STAU2: variants seen among roughly 807,000 people sequenced by gnomAD.
STAU2 encodes staufen double-stranded RNA binding protein 2.
Under a neutral mutation model 65.9 loss-of-function variants are expected in STAU2, and 20 were observed. The observed-to-expected ratio is 0.30, with a 90% CI of 0.21 to 0.44. STAU2 has a LOEUF of 0.44. Ranked by LOEUF, STAU2 falls within the 20% of genes least tolerant of loss-of-function variation. STAU2 has a pLI of 1.00. For missense variants in STAU2, 558 were observed against 683.9 expected (o/e 0.82, Z 2.05); for synonymous variants, 232 against 233.9 (o/e 0.99, Z 0.07).
intron 12 of STAU2, among the ~76,000 whole-genome samples, chr8:73,566,959 T>C (rs1312055907): frequency 6.6e-6 from 1 of 152,142 alleles, no homozygotes. Context: ...CTACTAAGAG[T>C]AACTGTATTA....
intron 6 of STAU2, among the ~76,000 whole-genome samples, chr8:73,622,401 G>A (rs1358275068): frequency 2.0e-5 from 3 of 152,006 alleles, no homozygotes; most frequent in African/African-American, 2.4e-5. Flanking sequence ...CTGAGATTAC[G>A]GGCGTGAGCC....
At chr8:73,506,599 T>C (rs141425374) in intron 13 of STAU2, among the ~76,000 whole-genome samples, 1 of 152,290 alleles carries the variant, frequency 6.6e-6, no homozygotes, top group Non-Finnish European at 1.5e-5. Flanking sequence ...GGGTCTTGCA[T>C]CAGTGTGGAT....
chr8:73,461,413 G>A (rs904833296), intron 13 of STAU2, among the ~76,000 whole-genome samples: 1 of 152,100 alleles, frequency 6.6e-6, no homozygotes, highest in Non-Finnish European at 1.5e-5. Context: ...ATGGGGCTCA[G>A]AGGAGTAATA....
intron 6 of STAU2, among the ~76,000 whole-genome samples, chr8:73,635,171 C>A (rs1801267281): frequency 1.3e-5 from 2 of 152,180 alleles, no homozygotes; most frequent in Admixed American, 6.5e-5. Context: ...CTAAACCGTT[C>A]TTAAATAAAT....
chr8:73,516,731 C>T (rs935943974), intron 13 of STAU2, among the ~76,000 whole-genome samples: 20 of 152,042 alleles, frequency 1.3e-4, no homozygotes, highest in East Asian at 3.9e-4. Flanking sequence ...ATAAATCATA[C>T]GCAACACCAT....
chr8:73,688,657 G>A lies in STAU2; in HGVS notation c.271C>T (p.Pro91Ser). 2 of 1,613,894 alleles carry A rather than the reference G, an allele frequency of 1.2e-6. No homozygotes were observed. The highest frequency in any genetic ancestry group is 1.3e-5 in the African/African-American group (1 of 74,950). The change falls in exon 5 of 15, where the codon CCA becomes TCA. Residue 91 changes from proline (P) to serine (S), a missense_variant. Transcript: ENST00000524300. Reference protein sequence around the residue: ...KPPKSNVNNNPGSITPTVELN... With the variant: ...KPPKSNVNNNSGSITPTVELN... Reference sequence around the variant, plus strand: ...ACAGAAGGAGTCACTGCCATACCTGGGTTATTGTTAACATTACTTTTGGGT... The same window carrying A: ...ACAGAAGGAGTCACTGCCATACCTGAGTTATTGTTAACATTACTTTTGGGT...
chr8:73,505,634 A>G (rs1822017345), intron 13 of STAU2, among the ~76,000 whole-genome samples: 1 of 152,122 alleles, frequency 6.6e-6, no homozygotes, highest in African/African-American at 2.4e-5. Context: ...ACCTAAATAA[A>G]TTATTGCTTA....
chr8:73,679,307 C>A (rs1158932337), intron 5 of STAU2, among the ~76,000 whole-genome samples: 7 of 152,150 alleles, frequency 4.6e-5, no homozygotes, highest in Admixed American at 4.6e-4. Context: ...CCACTCAGGA[C>A]AAAACAGCAT....
intron 13 of STAU2, among the ~76,000 whole-genome samples, chr8:73,459,695 A>T (rs776745824): frequency 7.2e-5 from 11 of 152,162 alleles, no homozygotes; most frequent in Non-Finnish European, 1.6e-4. Context: ...ACATATCGTC[A>T]CATCCCACAC....
intron 13 of STAU2, among the ~76,000 whole-genome samples, chr8:73,522,004 GAAGC>G (rs1337599842): frequency 2.0e-5 from 3 of 152,292 alleles, no homozygotes; most frequent in Non-Finnish European, 4.4e-5. Context: ...TCATGTATAT[GAAGC>G]AAGTAAGCTC....
intron 12 of STAU2, among the ~76,000 whole-genome samples, chr8:73,572,996 G>GA (rs1464031487): frequency 9.2e-5 from 14 of 152,182 alleles, no homozygotes; most frequent in Admixed American, 9.2e-4. Context: ...TGTATATTTA[G>GA]AAAACCTCAT....
intron 11 of STAU2, among the ~76,000 whole-genome samples, chr8:73,592,274 T>A (rs1810879962): frequency 6.6e-6 from 1 of 151,730 alleles, no homozygotes; most frequent in Non-Finnish European, 1.5e-5. Flanking sequence ...TGAAAGTGAG[T>A]ATCATTACAG....
intron 13 of STAU2, among the ~76,000 whole-genome samples, chr8:73,505,556 T>A (rs1251057722): frequency 6.6e-6 from 1 of 152,142 alleles, no homozygotes; most frequent in Non-Finnish European, 1.5e-5. Flanking sequence ...TTTTCCACTC[T>A]TTCTTCAAAT....
chr8:73,658,864 G>A lies in STAU2; in HGVS notation c.410+14243C>T, dbSNP rs968593772. Among the ~76,000 whole-genome samples, 3 of 150,908 alleles carry A rather than the reference G, an allele frequency of 2.0e-5. No homozygotes were observed. The South Asian group carries it at 6.3e-4, about 32-fold the overall frequency. On this transcript the variant is annotated intron_variant, in intron 6 of 14. Coordinates refer to ENST00000524300, the MANE Select transcript of STAU2 (RefSeq NM_001164380.2). ...GGAGGCGGAGGTTGCAGTGAGCCAA[G>A]ATCAAGCCACTGTACTCCAGCCTGG...
intron 13 of STAU2, chr8:73,551,417 T>C: frequency 1.0e-6 from 1 of 987,066 alleles, no homozygotes; most frequent in Non-Finnish European, 1.2e-6. Flanking sequence ...CAAAACATGA[T>C]CCAGTAAAAC....
chr8:73,532,395 AT>A (rs1417791182), intron 13 of STAU2, among the ~76,000 whole-genome samples: 1 of 152,140 alleles, frequency 6.6e-6, no homozygotes, highest in East Asian at 1.9e-4. Context: ...AAGAGATTAA[AT>A]GAGAGTCTGG....
rs1406216284 is a variant in STAU2 at position 73,688,804 on chromosome 8, C to T, written c.124G>A (p.Val42Met). The change falls in exon 5 of 15, where the codon GTG (valine) becomes ATG (methionine). Residue 42 changes from valine (V) to methionine (M), a missense_variant. Physicochemically the swap from Val to Met is conservative, Grantham distance 21. This residue lies in a region of STAU2 where 112 missense variants were observed against 114.2 expected (regional missense o/e 0.98). Transcript: ENST00000524300. The stretch of plus-strand genomic sequence containing the variant: ...GTCTGCTCACCAAGACTCAGCTGCA[C>T]TGAGAACATCTTAGAAAAACATAAA... ...RGPAHSKMFSVQLSLGEQTWE... is the reference protein window; with the variant it reads ...RGPAHSKMFSMQLSLGEQTWE... 6.2e-7 allele frequency: 1 copy of T among 1,613,558 alleles called. No individual in the cohort carries two copies.
intron 13 of STAU2, among the ~76,000 whole-genome samples, chr8:73,515,170 A>G (rs990353501): frequency 2.0e-5 from 3 of 152,216 alleles, no homozygotes; most frequent in African/African-American, 7.2e-5. Flanking sequence ...AAGAAAACAG[A>G]GTCCTGAAAA....
At chr8:73,477,988 T>TA (rs1820402334) in intron 13 of STAU2, among the ~76,000 whole-genome samples, 1 of 151,912 alleles carries the variant, frequency 6.6e-6, no homozygotes, top group Admixed American at 6.6e-5. Flanking sequence ...AAGTGTCTAT[T>TA]GTCTGACACA....
Sources: gnomAD v4.1 joint callset for allele counts (sites outside exome capture counted in the v4.1 genomes callset) on GRCh38, gnomAD v4.1.1 for gene constraint, gnomAD v4.1.1 regional missense constraint, MANE v1.5 for transcripts, NCBI Gene and HGNC (gene_info 2026-07-23, HGNC 2026-07-21) for gene names.